Variants in KIF26B observed in about 807,000 individuals in gnomAD.
The protein encoded by KIF26B is kinesin family member 26B.
Under a neutral mutation model 151.2 loss-of-function variants are expected in KIF26B, and 63 were observed. The ratio of observed to expected loss-of-function variants is 0.42; its 90% CI spans 0.34 to 0.51. The LOEUF is 0.51. Ranked by LOEUF, KIF26B falls within the 20% of genes least tolerant of loss-of-function variation. The probability of loss-of-function intolerance (pLI) is 0.07; values close to 1 mark genes in which losing one functional copy is unlikely to be tolerated. For synonymous variants in KIF26B, 1,357 were observed against 1,262.1 expected, an observed-to-expected ratio of 1.08 and a Z score of -1.59; for missense variants, 2,813 against 2,913.6, an observed-to-expected ratio of 0.97 and a Z score of 0.79.
rs568736676 is a variant in KIF26B, at chr1:245,224,900, T to G, written c.465+68217T>G. 2.0e-5 allele frequency among the ~76,000 whole-genome samples: 3 copies of G among 152,304 alleles called. No homozygotes were observed. The South Asian group carries it at 6.2e-4, about 32-fold the overall frequency. ...CTTTAAGAAACTACCACTTTTAAAGTTTTGGTTTGTATCAAAGATGAATAG... is the reference window on the plus strand; with the variant it reads ...CTTTAAGAAACTACCACTTTTAAAGGTTTGGTTTGTATCAAAGATGAATAG... On this transcript the variant is annotated intron_variant, in intron 2 of 14. Transcript: ENST00000407071.
At chr1:245,571,334 C>T (rs775975314) in intron 5 of KIF26B, among the ~76,000 whole-genome samples, 91 of 152,200 alleles carry the variant, frequency 6.0e-4, no homozygotes, top group Admixed American at 5.9e-4. Context: ...TCCAAATCAA[C>T]GCTGTTGATA....
intron 2 of KIF26B, among the ~76,000 whole-genome samples, chr1:245,309,508 C>T (rs535288722): frequency 6.6e-6 from 1 of 152,096 alleles, no homozygotes; most frequent in African/African-American, 2.4e-5. Context: ...CATCGGGTCT[C>T]CTGGTTCTCA....
chr1:245,447,820 T>C (rs1668817425), intron 4 of KIF26B, among the ~76,000 whole-genome samples: 1 of 152,138 alleles, frequency 6.6e-6, no homozygotes, highest in Non-Finnish European at 1.5e-5. Flanking sequence ...TACATGTAAT[T>C]AAAAGTAAAT....
At chr1:245,301,733 T>C (rs1268672061) in intron 2 of KIF26B, among the ~76,000 whole-genome samples, 1 of 152,204 alleles carries the variant, frequency 6.6e-6, no homozygotes, top group Non-Finnish European at 1.5e-5. Flanking sequence ...GCTAAGTGAA[T>C]CTGGTTCAAA....
intron 3 of KIF26B, among the ~76,000 whole-genome samples, chr1:245,387,917 G>A (rs1673592547): frequency 6.6e-6 from 1 of 152,186 alleles, no homozygotes; most frequent in African/African-American, 2.4e-5. Context: ...ACCAAGAAAC[G>A]TTCACAGTCC....
chr1:245,207,244 C>G (rs1355720907), intron 2 of KIF26B, among the ~76,000 whole-genome samples: 1 of 152,226 alleles, frequency 6.6e-6, no homozygotes, highest in African/African-American at 2.4e-5. Context: ...GGCAAATTTA[C>G]TTCTGCAGAA....
At position 245,702,541 on chromosome 1, in the gene KIF26B, G is replaced by C. The variant is rs766707636; in HGVS notation, c.6262G>C (p.Val2088Leu). The change falls in exon 15 of 15, where the codon GTC (valine) becomes CTC (leucine). Residue 2088 changes from valine to leucine, a missense_variant. By Grantham distance (32) the Val-to-Leu change is conservative. This residue lies in a region of KIF26B where 2,060 missense variants were observed against 2,088.6 expected (regional missense o/e 0.99). Transcript: ENST00000407071. This position sits in a 1 kb window ranked among gnomAD's most constrained non-coding sequence, Gnocchi z 4.1. ...ECVTERLESR[V>L]NFCKAHLMMI... ...TGTGACGGAGCGCCTGGAGAGCCGT[G>C]TCAACTTCTGCAAGGCCCATCTCAT... 1.2e-6 allele frequency: 2 copies of C among 1,613,982 alleles called. No homozygotes were observed. The highest frequency in any genetic ancestry group is 2.2e-5 in the South Asian group (2 of 91,076).
intron 2 of KIF26B, among the ~76,000 whole-genome samples, chr1:245,256,306 A>T (rs1430148310): frequency 1.3e-5 from 2 of 152,192 alleles, no homozygotes; most frequent in African/African-American, 4.8e-5. Context: ...TGGGTCCATG[A>T]CATGTACTAG....
At chr1:245,506,286 T>C (rs1411139839) in intron 4 of KIF26B, among the ~76,000 whole-genome samples, 2 of 152,216 alleles carry the variant, frequency 1.3e-5, no homozygotes, top group Non-Finnish European at 2.9e-5. Flanking sequence ...ACTACAGTCA[T>C]GGAATTTGAT....
rs370730080 is a variant in KIF26B, at chr1:245,367,164, A to T, written c.796A>T (p.Ser266Cys). The change falls in exon 3 of 15, where the codon AGC (serine) becomes TGC (cysteine). Residue 266 changes from serine (S) to cysteine (C), a missense_variant. By Grantham distance (112) the Ser-to-Cys change is moderately radical (BLOSUM62 -1). Transcript: ENST00000407071. The surrounding 1 kb of genome is among the most constrained non-coding windows in gnomAD (Gnocchi z 4.2). ...CACAGGCTTCGCCAACAAGCACGGC[A>T]GCAAACCCAGCAGCCTTGGGGTCAG... ...NYTGFANKHG[S>C]KPSSLGVSNG... 3 of 1,605,804 alleles carry T rather than the reference A, an allele frequency of 1.9e-6. No individual in the cohort carries two copies. In the East Asian group the frequency reaches 6.7e-5, roughly 36 times the overall value.
chr1:245,321,284 G>T (rs899819239), intron 2 of KIF26B, among the ~76,000 whole-genome samples: 1 of 152,182 alleles, frequency 6.6e-6, no homozygotes, highest in African/African-American at 2.4e-5. Context: ...GCCTTGATGT[G>T]TTTCCTTCGT....
chr1:245,678,400 T>C (rs1021242846), intron 10 of KIF26B, among the ~76,000 whole-genome samples: 1 of 152,086 alleles, frequency 6.6e-6, no homozygotes, highest in Non-Finnish European at 1.5e-5. Context: ...CGTGGGATGG[T>C]TACTGGAATC....
chr1:245,596,888 C>T (rs754483764), intron 5 of KIF26B, among the ~76,000 whole-genome samples: 22 of 152,112 alleles, frequency 1.4e-4, no homozygotes, highest in Non-Finnish European at 2.2e-4. Flanking sequence ...CATTATGTAA[C>T]GCCTTAATTG....
chr1:245,235,770 C>T (rs1385502649), intron 2 of KIF26B, among the ~76,000 whole-genome samples: 1 of 152,020 alleles, frequency 6.6e-6, no homozygotes, highest in Non-Finnish European at 1.5e-5. Flanking sequence ...AAATAATAGT[C>T]AGTGTGCTAA....
At chr1:245,624,886 T>G (rs2043706365) in intron 9 of KIF26B, among the ~76,000 whole-genome samples, 1 of 152,212 alleles carries the variant, frequency 6.6e-6, no homozygotes, top group Admixed American at 6.5e-5. Context: ...AGGTCTTTGA[T>G]CAATTTTTAG....
At chr1:245,228,357 G>A (rs1218687745) in intron 2 of KIF26B, among the ~76,000 whole-genome samples, 4 of 151,908 alleles carry the variant, frequency 2.6e-5, no homozygotes, top group South Asian at 2.1e-4. Context: ...ACCTGAGGTC[G>A]GGAGTTCGAG....
rs192772036 is a variant in KIF26B, at chr1:245,569,494, C to T, written c.1350+28544C>T. 2.6e-5 allele frequency among the ~76,000 whole-genome samples: 4 copies of T among 152,220 alleles called. 1 individual carries two copies. Among genetic ancestry groups the T allele is most frequent in the Admixed American group, 2.6e-4 (4 of 15,282 alleles). On this transcript the variant is annotated intron_variant, in intron 5 of 14. Transcript: ENST00000407071. ...GCATCGTGGCAGGCACCTGTAATCCCAGCTACTCGGGAGGCTGAGGCAGAA... is the reference window on the plus strand; with the variant it reads ...GCATCGTGGCAGGCACCTGTAATCCTAGCTACTCGGGAGGCTGAGGCAGAA...
At chr1:245,680,919 G>T (rs1465380230) in intron 10 of KIF26B, among the ~76,000 whole-genome samples, 6 of 152,110 alleles carry the variant, frequency 3.9e-5, no homozygotes, top group Non-Finnish European at 8.8e-5. Flanking sequence ...TTAGCACTGT[G>T]TTTTTCATAT....
intron 10 of KIF26B, among the ~76,000 whole-genome samples, chr1:245,682,259 G>GA (rs925444389): frequency 2.6e-5 from 4 of 151,158 alleles, no homozygotes; most frequent in Non-Finnish European, 4.4e-5. Context: ...AAAAAAGAAA[G>GA]AAAAAAAAAG....
Sources: allele counts gnomAD v4.1 joint callset (sites outside exome capture counted in the v4.1 genomes callset), GRCh38; gene constraint gnomAD v4.1.1; regional missense constraint gnomAD v4.1.1; non-coding constraint Gnocchi (gnomAD v3.1); transcripts MANE v1.5; gene names NCBI Gene and HGNC (gene_info 2026-07-23, HGNC 2026-07-21).